The following SCFD2 variants were observed in gnomAD, a reference collection of about 807,000 sequenced individuals.
SCFD2 encodes sec1 family domain-containing protein 2.
Under a neutral mutation model 58.9 loss-of-function variants are expected in SCFD2, and 54 were observed. That is an observed-to-expected ratio of 0.92 (90% CI 0.74 to 1.15). The LOEUF is 1.15. SCFD2 is among the 50% of genes most tolerant of loss of function. The probability of loss-of-function intolerance (pLI) is 0.00; values close to 1 mark genes in which losing one functional copy is unlikely to be tolerated. For synonymous variants in SCFD2, 321 were observed against 335.9 expected (o/e 0.96, Z 0.49); for missense variants, 805 against 836.6 (o/e 0.96, Z 0.47).
intron 5 of SCFD2, among the ~76,000 whole-genome samples, chr4:52,967,505 A>G (rs1399802086): frequency 1.3e-5 from 2 of 152,244 alleles, no homozygotes; most frequent in South Asian, 2.1e-4. Flanking sequence ...AAACTCAAGC[A>G]TAACTTGCCA....
chr4:52,975,331 A>T (rs1231438556), intron 5 of SCFD2, among the ~76,000 whole-genome samples: 3 of 152,220 alleles, frequency 2.0e-5, no homozygotes, highest in Admixed American at 2.0e-4. Flanking sequence ...TAAGAAAAAA[A>T]CAAACAACCC....
intron 4 of SCFD2, among the ~76,000 whole-genome samples, chr4:53,209,928 T>C (rs1242769629): frequency 2.0e-5 from 3 of 152,086 alleles, no homozygotes; most frequent in Non-Finnish European, 4.4e-5. Context: ...ATTTTACACA[T>C]TGTAAGTTAA....
Position 53,011,111 on chromosome 4 carries a change from C to T in SCFD2, c.1562-90241G>A, listed in dbSNP as rs555731132. 3.9e-4 allele frequency among the ~76,000 whole-genome samples: 60 copies of T among 152,294 alleles called. 1 individual carries two copies. The South Asian group carries it at 1.0e-2, about 25-fold the overall frequency. ...TTTTCCCCCTAAAAAAGGCAGACAT[C>T]AGAATATTATGTTTGCCAACTCATG... On this transcript the variant is annotated intron_variant, in intron 5 of 8. Coordinates refer to ENST00000401642, the MANE Select transcript of SCFD2 (RefSeq NM_152540.4).
chr4:53,039,386 T>C (rs560345546), intron 5 of SCFD2, among the ~76,000 whole-genome samples: 5 of 152,320 alleles, frequency 3.3e-5, no homozygotes, highest in African/African-American at 7.2e-5. Context: ...TAGGTGACTT[T>C]CTTGCTCAAA....
intron 7 of SCFD2, among the ~76,000 whole-genome samples, chr4:52,900,926 G>T (rs893198811): frequency 2.0e-5 from 3 of 152,212 alleles, no homozygotes; most frequent in East Asian, 3.9e-4. Flanking sequence ...CTCCGCGGGC[G>T]CAGGACCCTC....
At chr4:52,895,377 T>G (rs1718980955) in intron 7 of SCFD2, among the ~76,000 whole-genome samples, 2 of 152,142 alleles carry the variant, frequency 1.3e-5, no homozygotes, top group Admixed American at 1.3e-4. Flanking sequence ...TGTGTCCTTG[T>G]GTTCTCATTG....
intron 4 of SCFD2, among the ~76,000 whole-genome samples, chr4:53,247,568 A>G (rs1730132413): frequency 6.6e-6 from 1 of 152,204 alleles, no homozygotes; most frequent in African/African-American, 2.4e-5. Context: ...CATAAAAAAT[A>G]ACAAGATCAG....
chr4:53,164,331 C>G (rs1218595687), intron 4 of SCFD2, among the ~76,000 whole-genome samples: 1 of 152,172 alleles, frequency 6.6e-6, no homozygotes, highest in Non-Finnish European at 1.5e-5. Context: ...CACCCCTACA[C>G]AGCCAACTCC....
At chr4:53,236,563 A>T (rs1448353620) in intron 4 of SCFD2, among the ~76,000 whole-genome samples, 1 of 150,248 alleles carries the variant, frequency 6.7e-6, no homozygotes, top group Non-Finnish European at 1.5e-5. Flanking sequence ...TTGTTATATA[A>T]AGTTAACTAA....
At chr4:53,202,200 G>C (rs1464818525) in intron 4 of SCFD2, among the ~76,000 whole-genome samples, 3 of 152,086 alleles carry the variant, frequency 2.0e-5, no homozygotes, top group Non-Finnish European at 4.4e-5. Context: ...ATTAATTTTT[G>C]TATAAGGTGT....
intron 5 of SCFD2, among the ~76,000 whole-genome samples, chr4:53,032,023 T>C (rs560310605): frequency 5.3e-5 from 8 of 152,248 alleles, no homozygotes; most frequent in African/African-American, 1.9e-4. Context: ...GAAAAAATGT[T>C]AAGGGCAGCC....
intron 4 of SCFD2, among the ~76,000 whole-genome samples, chr4:53,210,613 C>G (rs1009104004): frequency 6.6e-6 from 1 of 151,894 alleles, no homozygotes; most frequent in East Asian, 1.9e-4. Context: ...TTCTGAAAAA[C>G]ATATTATTTA....
At chr4:53,349,086 G>A (rs1734141781) in intron 2 of SCFD2, among the ~76,000 whole-genome samples, 2 of 152,082 alleles carry the variant, frequency 1.3e-5, no homozygotes, top group South Asian at 2.1e-4. Flanking sequence ...GCGAATGAAG[G>A]CAAAGACCAT....
chr4:53,346,036 A>G (rs1734046591), intron 2 of SCFD2, among the ~76,000 whole-genome samples: 1 of 152,194 alleles, frequency 6.6e-6, no homozygotes, highest in South Asian at 2.1e-4. Context: ...CCAACATGGC[A>G]CATGTATACC....
intron 2 of SCFD2, among the ~76,000 whole-genome samples, chr4:53,314,984 T>C (rs934367830): frequency 2.0e-5 from 3 of 152,042 alleles, no homozygotes; most frequent in South Asian, 2.1e-4. Context: ...CTGTATTTGG[T>C]TGGGATACAG....
intron 4 of SCFD2, among the ~76,000 whole-genome samples, chr4:53,178,543 T>G (rs931375975): frequency 7.3e-5 from 11 of 151,620 alleles, no homozygotes; most frequent in African/African-American, 2.7e-4. Context: ...ACCACAAAGA[T>G]GGGAAAAAAA....
chr4:53,021,818 G>A (rs1487561467), intron 5 of SCFD2, among the ~76,000 whole-genome samples: 1 of 152,074 alleles, frequency 6.6e-6, no homozygotes, highest in African/African-American at 2.4e-5. Flanking sequence ...TCACAGTGCC[G>A]ACAGAAGAAT....
chr4:52,899,795 C>T (rs986565948), intron 7 of SCFD2, among the ~76,000 whole-genome samples: 13 of 152,314 alleles, frequency 8.5e-5, no homozygotes, highest in African/African-American at 2.4e-4. Flanking sequence ...ATCAGTTAGA[C>T]GTAGATTTGG....
At chr4:53,227,565 A>G (rs973528286) in intron 4 of SCFD2, among the ~76,000 whole-genome samples, 3 of 152,180 alleles carry the variant, frequency 2.0e-5, no homozygotes, top group African/African-American at 7.2e-5. Flanking sequence ...TAAAAACTAT[A>G]TTTGTTGTTT....
Sources: gnomAD v4.1 joint callset for allele counts (sites outside exome capture counted in the v4.1 genomes callset) on GRCh38, gnomAD v4.1.1 for gene constraint, MANE v1.5 for transcripts, NCBI Gene and HGNC (gene_info 2026-07-23, HGNC 2026-07-21) for gene names.